Variants in OR51B5 observed in about 807,000 individuals in gnomAD.
OR51B5 encodes the protein olfactory receptor 51B5.
For missense variants in OR51B5, 456 were observed against 374.6 expected (o/e 1.22, Z -1.79); for synonymous variants, 186 against 144.8 (o/e 1.28, Z -2.04).
intron 1 of OR51B5, among the ~76,000 whole-genome samples, chr11:5,432,858 CTG>C (rs1237115334): frequency 1.3e-5 from 2 of 152,094 alleles, no homozygotes; most frequent in Non-Finnish European, 2.9e-5. Flanking sequence ...TGAGAGTAAA[CTG>C]TGGTCTGATC....
chr11:5,389,712 A>G lies in OR51B5; in HGVS notation n.85-42802T>C, dbSNP rs200883251. On this transcript the variant is annotated intron_variant and non_coding_transcript_variant, in intron 1 of 4. Coordinates refer to the OR51B5 transcript ENST00000415970. ...TTCTGGTTTAACTCCCATAGTATCT[A>G]CTTTGGAGCGTGTCAAATCCAGATG... The G allele has an allele frequency of 6.4e-5, 103 of 1,613,722 alleles. No homozygotes were observed. Among genetic ancestry groups the G allele is most frequent in the Non-Finnish European group, 7.9e-5 (93 of 1,179,894 alleles).
chr11:5,356,612 G>C (rs1162260526), intron 1 of OR51B5, among the ~76,000 whole-genome samples: 1 of 134,894 alleles, frequency 7.4e-6, no homozygotes, highest in Non-Finnish European at 1.6e-5. Context: ...TTCAAATTCA[G>C]GAAATACAGA....
intron 1 of OR51B5, among the ~76,000 whole-genome samples, chr11:5,387,962 G>T (rs141989947): frequency 3.4e-4 from 51 of 151,868 alleles, no homozygotes; most frequent in African/African-American, 1.2e-3. Flanking sequence ...TCAGTACCTA[G>T]GTGTAAAAGT....
chr11:5,444,287 A>C (rs536040645), intron 1 of OR51B5, among the ~76,000 whole-genome samples: 3 of 152,284 alleles, frequency 2.0e-5, no homozygotes, highest in Admixed American at 6.5e-5. Flanking sequence ...TGTACACACA[A>C]AAGTCAGGTA....
In OR51B5 at chr11:5,477,004, A is replaced by G. The variant is rs528791427; in HGVS notation, n.84+28565T>C. 3.9e-5 allele frequency among the ~76,000 whole-genome samples: 6 copies of G among 152,332 alleles called. No homozygotes were observed. In the South Asian group the frequency reaches 1.2e-3, roughly 32 times the overall value. The stretch of plus-strand genomic sequence containing the variant: ...ATCTACTGTACAAAATAATGCCTAT[A>G]GTTAACAATACTGTTTTGTATATTT... On this transcript the variant is annotated intron_variant and non_coding_transcript_variant, in intron 1 of 4. Transcript: ENST00000415970.
intron 1 of OR51B5, chr11:5,422,693 C>G: frequency 6.2e-7 from 1 of 1,614,060 alleles, no homozygotes; most frequent in Non-Finnish European, 8.5e-7. Context: ...CCTTTTCTTA[C>G]TCAAGCGACT....
chr11:5,375,913 G>C (rs1849519886), intron 1 of OR51B5, among the ~76,000 whole-genome samples: 2 of 151,970 alleles, frequency 1.3e-5, no homozygotes, highest in South Asian at 4.2e-4. Flanking sequence ...GAGACAGAAA[G>C]TTAACAAGGA....
chr11:5,460,483 C>CTT (rs3068448), intron 1 of OR51B5, among the ~76,000 whole-genome samples: 150,891 of 152,346 alleles, frequency 0.99, 74,743 homozygotes, highest in East Asian at 1. Flanking sequence ...TCTTTCAACT[C>CTT]GAGTCATTTT....
intron 1 of OR51B5, among the ~76,000 whole-genome samples, chr11:5,360,902 A>G (rs1289402971): frequency 2.6e-5 from 4 of 151,392 alleles, no homozygotes; most frequent in African/African-American, 4.9e-5. Context: ...CAAAAACCAA[A>G]CACTGCATGT....
intron 1 of OR51B5, chr11:5,351,594 A>G (rs371384887): frequency 6.2e-7 from 1 of 1,614,060 alleles, no homozygotes; most frequent in Non-Finnish European, 8.5e-7. Context: ...TCATCCCATT[A>G]TTGGCAGCCT....
At chr11:5,423,191 C>T in intron 1 of OR51B5, 1 of 1,526,104 alleles carries the variant, frequency 6.6e-7, no homozygotes, top group Non-Finnish European at 8.8e-7. Flanking sequence ...AAGTATGAGT[C>T]ATAGGCTTAA....
chr11:5,424,262 C>G (rs1022859117), intron 1 of OR51B5, among the ~76,000 whole-genome samples: 1 of 151,876 alleles, frequency 6.6e-6, no homozygotes, highest in Non-Finnish European at 1.5e-5. Context: ...TGTCACACAA[C>G]CAGGAAGGAT....
At chr11:5,343,796 A>T (rs1327829436), upstream of OR51B5, among the ~76,000 whole-genome samples, 3 of 152,210 alleles carry the variant, frequency 2.0e-5, no homozygotes, top group Admixed American at 6.5e-5. Context: ...CATTCTCTTC[A>T]GAAAAAAAAT....
intron 1 of OR51B5, among the ~76,000 whole-genome samples, chr11:5,416,227 C>T (rs1220023877): frequency 1.6e-5 from 2 of 125,878 alleles, no homozygotes; most frequent in African/African-American, 5.9e-5. Flanking sequence ...AATTCAACAA[C>T]CCTTCATGCT....
intron 1 of OR51B5, among the ~76,000 whole-genome samples, chr11:5,420,419 G>T (rs1334555387): frequency 6.6e-6 from 1 of 151,786 alleles, no homozygotes; most frequent in East Asian, 1.9e-4. Context: ...CTTTGTAGTT[G>T]TATTTCTTTT....
chr11:5,387,203 CCAG>C (rs1849708284), intron 1 of OR51B5, among the ~76,000 whole-genome samples: 2 of 152,000 alleles, frequency 1.3e-5, no homozygotes, highest in African/African-American at 4.8e-5. Context: ...CAGAAGAGAA[CCAG>C]CAGATCTTGG....
chr11:5,477,484 T>C (rs1851328697), intron 1 of OR51B5, among the ~76,000 whole-genome samples: 1 of 152,120 alleles, frequency 6.6e-6, no homozygotes, highest in African/African-American at 2.4e-5. Context: ...ATTACAAACC[T>C]AATTTATATG....
intron 1 of OR51B5, among the ~76,000 whole-genome samples, chr11:5,348,689 T>C (rs117381305): frequency 0.019 from 2,817 of 152,244 alleles, 34 homozygotes; most frequent in Non-Finnish European, 0.03. Context: ...CTAGCCGCCC[T>C]GGCAGCTGAT....
intron 1 of OR51B5, chr11:5,385,242 A>G (rs376499491): frequency 1.3e-5 from 2 of 152,324 alleles, no homozygotes; most frequent in South Asian, 2.1e-4. Context: ...TTGCTCTCCT[A>G]TCATGGATAA....
Sources: allele counts gnomAD v4.1 joint callset (sites outside exome capture counted in the v4.1 genomes callset), GRCh38; gene constraint gnomAD v4.1.1; transcripts MANE v1.5; gene names NCBI Gene and HGNC (gene_info 2026-07-23, HGNC 2026-07-21).